ALK: variants seen among roughly 807,000 people sequenced by gnomAD.
The protein encoded by ALK is ALK receptor tyrosine kinase, also known as ALK tyrosine kinase receptor.
A neutral mutation model predicts 163.1 loss-of-function variants in ALK; 74 were observed. The ratio of observed to expected loss-of-function variants is 0.45; its 90% CI spans 0.38 to 0.55. The LOEUF is 0.55. ALK is among the 20% of genes least tolerant of loss of function. The pLI, the probability that ALK is intolerant of heterozygous loss-of-function variation, is 0.00. For synonymous variants in ALK, 960 were observed against 843.2 expected (o/e 1.14, Z -2.40); for missense variants, 2,063 against 2,105.3 (o/e 0.98, Z 0.39).
intron 23 of ALK, among the ~76,000 whole-genome samples, chr2:29,219,858 A>C (rs971659500): frequency 5.3e-5 from 8 of 152,138 alleles, no homozygotes; most frequent in African/African-American, 1.9e-4. Context: ...TCACTTCCCA[A>C]GCTCTGTTAA....
intron 1 of ALK, among the ~76,000 whole-genome samples, chr2:29,768,018 C>G (rs1472630776): frequency 6.6e-6 from 1 of 152,194 alleles, no homozygotes; most frequent in Non-Finnish European, 1.5e-5. Context: ...TTTGCTATTT[C>G]TTGTCTTAGT....
chr2:29,741,186 G>A (rs185972195), intron 1 of ALK, among the ~76,000 whole-genome samples: 61 of 152,280 alleles, frequency 4.0e-4, no homozygotes, highest in Admixed American at 2.1e-3. Flanking sequence ...TTTGCTAGGG[G>A]TTAGGAGTAG....
chr2:29,788,785 G>C (rs1664110367), intron 1 of ALK, among the ~76,000 whole-genome samples: 1 of 152,136 alleles, frequency 6.6e-6, no homozygotes, highest in Admixed American at 6.5e-5. Flanking sequence ...AGAGCCAAGG[G>C]ACCCATTATA....
chr2:29,195,372 G>C (rs1668997537), intron 28 of ALK, among the ~76,000 whole-genome samples: 1 of 152,306 alleles, frequency 6.6e-6, no homozygotes, highest in Non-Finnish European at 1.5e-5. Context: ...AAAGGAATAA[G>C]AGGATGGAGT....
At chr2:29,649,844 C>T (rs1490325218) in intron 3 of ALK, among the ~76,000 whole-genome samples, 1 of 152,134 alleles carries the variant, frequency 6.6e-6, no homozygotes, top group Non-Finnish European at 1.5e-5. Flanking sequence ...CTTTGGCCCC[C>T]CATGGCCTGC....
At chr2:29,244,858 T>C (rs1470027890) in intron 12 of ALK, among the ~76,000 whole-genome samples, 1 of 152,246 alleles carries the variant, frequency 6.6e-6, no homozygotes, top group African/African-American at 2.4e-5. Flanking sequence ...CTGACTGGCA[T>C]TGTGGACTGT....
intron 3 of ALK, among the ~76,000 whole-genome samples, chr2:29,674,503 C>T (rs1236980594): frequency 6.7e-6 from 1 of 148,670 alleles, no homozygotes; most frequent in Non-Finnish European, 1.5e-5. Context: ...ATTGAACCAG[C>T]CTTGCATCCC....
chr2:29,461,415 CA>C (rs1671080899), intron 4 of ALK, among the ~76,000 whole-genome samples: 2 of 152,212 alleles, frequency 1.3e-5, no homozygotes, highest in Admixed American at 1.3e-4. Context: ...TACCTGGCTT[CA>C]AAACTTAAAA....
At chr2:29,798,998 G>A (rs1283373998) in intron 1 of ALK, among the ~76,000 whole-genome samples, 3 of 152,078 alleles carry the variant, frequency 2.0e-5, no homozygotes, top group South Asian at 2.1e-4. Flanking sequence ...CCATTCTCTC[G>A]TCTATAAAAT....
At chr2:29,217,111 TGGG>T (rs1056719068) in intron 23 of ALK, among the ~76,000 whole-genome samples, 12 of 97,150 alleles carry the variant, frequency 1.2e-4, no homozygotes, top group African/African-American at 4.6e-4. Flanking sequence ...GGTGTGTCTG[TGGG>T]GGGGGGGCGT....
chr2:29,919,448 A>G (rs894754425), intron 1 of ALK, among the ~76,000 whole-genome samples: 5 of 152,128 alleles, frequency 3.3e-5, no homozygotes, highest in African/African-American at 9.7e-5. Context: ...GAGGGGGAGA[A>G]TAAATAAATA....
chr2:29,381,211 T>C (rs1419411947), intron 5 of ALK, among the ~76,000 whole-genome samples: 1 of 152,274 alleles, frequency 6.6e-6, no homozygotes, highest in African/African-American at 2.4e-5. Flanking sequence ...AAAATGAGGA[T>C]ATTAGTCCCT....
intron 1 of ALK, among the ~76,000 whole-genome samples, chr2:29,820,886 G>A (rs1211670721): frequency 6.6e-6 from 1 of 152,124 alleles, no homozygotes; most frequent in Non-Finnish European, 1.5e-5. Flanking sequence ...TTCTCCTTCT[G>A]TTCCTGACTC....
chr2:29,759,143 T>C (rs1305861352), intron 1 of ALK, among the ~76,000 whole-genome samples: 4 of 152,198 alleles, frequency 2.6e-5, no homozygotes, highest in Admixed American at 2.6e-4. Flanking sequence ...AGTTAACCAG[T>C]TGGAATGCAA....
intron 4 of ALK, among the ~76,000 whole-genome samples, chr2:29,441,469 G>T (rs2148081757): frequency 6.6e-6 from 1 of 152,324 alleles, no homozygotes; most frequent in Non-Finnish European, 1.5e-5. Flanking sequence ...CAGGTTGTGG[G>T]TGCCTGGGTA....
chr2:29,542,273 T>C (rs1413831741), intron 3 of ALK, among the ~76,000 whole-genome samples: 1 of 152,228 alleles, frequency 6.6e-6, no homozygotes, highest in Non-Finnish European at 1.5e-5. Context: ...TTATTTTATA[T>C]CTGTCTTCTT....
chr2:29,214,134 G>C (rs769292565), intron 23 of ALK, 53 bp from the exon 24 acceptor site: 5 of 1,504,474 alleles, frequency 3.3e-6, no homozygotes, highest in Non-Finnish European at 3.7e-6. Flanking sequence ...GTGAGAGGAG[G>C]GAAATCTGAA....
Position 29,291,804 on chromosome 2 carries a change from TCTA to T in ALK, c.1817+5081_1817+5083del, listed in dbSNP as rs534558842. ...ATCTCTGGATTTCCACTCACTGAAA[TCTA>T]CTATTTCTCTACACAGATAAGAACA... is the stretch of plus-strand genomic sequence containing the variant. On this transcript the variant is annotated intron_variant, in intron 9 of 28. Transcript: ENST00000389048. Among the ~76,000 whole-genome samples, 29 of 152,202 alleles carry T rather than the reference TCTA, an allele frequency of 1.9e-4. No homozygotes were observed. In the South Asian group the frequency reaches 4.8e-3, roughly 25 times the overall value.
At chr2:29,483,030 G>C (rs1671699981) in intron 4 of ALK, among the ~76,000 whole-genome samples, 1 of 152,192 alleles carries the variant, frequency 6.6e-6, no homozygotes, top group Non-Finnish European at 1.5e-5. Flanking sequence ...TGAGCAACAT[G>C]TGTTCTAGAA....
Sources: gnomAD v4.1 joint callset for allele counts (sites outside exome capture counted in the v4.1 genomes callset) on GRCh38, gnomAD v4.1.1 for gene constraint, MANE v1.5 for transcripts, NCBI Gene and HGNC (gene_info 2026-07-23, HGNC 2026-07-21) for gene names.